The following TMEM132D variants were observed in gnomAD, a reference collection of about 807,000 sequenced individuals.
TMEM132D encodes the protein transmembrane protein 132D.
In TMEM132D, 21 loss-of-function variants were observed where a neutral mutation model predicts 62.3. That is an observed-to-expected ratio of 0.34 (90% CI 0.24 to 0.49). The LOEUF (loss-of-function observed/expected upper bound fraction) is 0.49. Ranked by LOEUF, TMEM132D falls within the 20% of genes least tolerant of loss-of-function variation. The pLI is 0.99. For synonymous variants in TMEM132D, 621 were observed against 575.6 expected, an observed-to-expected ratio of 1.08 and a Z score of -1.13; for missense variants, 1,346 against 1,402.8, an observed-to-expected ratio of 0.96 and a Z score of 0.65.
intron 4 of TMEM132D, among the ~76,000 whole-genome samples, chr12:129,331,693 T>C (rs758095608): frequency 1.3e-5 from 2 of 152,266 alleles, no homozygotes; most frequent in Admixed American, 6.5e-5. Flanking sequence ...AGAGGACTTG[T>C]AACTATGTTT....
intron 4 of TMEM132D, among the ~76,000 whole-genome samples, chr12:129,251,800 G>T (rs1229350809): frequency 2.0e-5 from 3 of 152,280 alleles, no homozygotes; most frequent in Non-Finnish European, 4.4e-5. Context: ...CTTTCAGAGA[G>T]CAAGTGAGTC....
chr12:129,502,109 C>T (rs1024366243), intron 3 of TMEM132D, among the ~76,000 whole-genome samples: 1 of 152,136 alleles, frequency 6.6e-6, no homozygotes, highest in African/African-American at 2.4e-5. Flanking sequence ...ACACCATTCT[C>T]CTGCCTCAGC....
At chr12:129,577,843 T>C (rs1372318187) in intron 2 of TMEM132D, among the ~76,000 whole-genome samples, 18 of 152,090 alleles carry the variant, frequency 1.2e-4, no homozygotes, top group Admixed American at 1.2e-3. Flanking sequence ...GTTAATCGTA[T>C]GTGTCAATTT....
rs553384195 is a variant in TMEM132D at position 129,226,259 on chromosome 12, T to C, written c.1300-16596A>G. Among the ~76,000 whole-genome samples the C allele has an allele frequency of 4.7e-4, 71 of 152,362 alleles. No homozygotes were observed. In the Middle Eastern group the frequency reaches 0.014, roughly 29 times the overall value. ...GAGTTCTTGGCCGCCTTCATTCCTA[T>C]GCAAATTGACATTTGGTTTCTCTCT... is the stretch of plus-strand genomic sequence containing the variant. On this transcript the variant is annotated intron_variant, in intron 4 of 8. Transcript: ENST00000422113.
chr12:129,404,080 G>A (rs1346628201), intron 3 of TMEM132D, among the ~76,000 whole-genome samples: 1 of 152,158 alleles, frequency 6.6e-6, no homozygotes, highest in Non-Finnish European at 1.5e-5. Flanking sequence ...TTTTACTTGA[G>A]TAACACAGGA....
At chr12:129,896,110 C>G (rs1025069467) in intron 1 of TMEM132D, among the ~76,000 whole-genome samples, 2 of 151,634 alleles carry the variant, frequency 1.3e-5, no homozygotes, top group Non-Finnish European at 2.9e-5. Context: ...GCTGGGACAA[C>G]AGGCACACAC....
At chr12:129,727,083 A>T (rs2137249115) in intron 1 of TMEM132D, among the ~76,000 whole-genome samples, 1 of 152,384 alleles carries the variant, frequency 6.6e-6, no homozygotes, top group Admixed American at 6.5e-5. Context: ...ACACCCATGA[A>T]TTAGATGATC....
At chr12:129,548,242 G>A (rs867551013) in intron 2 of TMEM132D, among the ~76,000 whole-genome samples, 16 of 152,078 alleles carry the variant, frequency 1.1e-4, no homozygotes, top group Non-Finnish European at 7.3e-5. Context: ...CAGGGGCAGG[G>A]GAGACACCTC....
At chr12:129,494,962 C>T (rs1385894692) in intron 3 of TMEM132D, among the ~76,000 whole-genome samples, 1 of 152,146 alleles carries the variant, frequency 6.6e-6, no homozygotes, top group Admixed American at 6.5e-5. Context: ...CACATCTCAG[C>T]TGAGCAAATG....
At chr12:129,236,737 G>A (rs937146555) in intron 4 of TMEM132D, among the ~76,000 whole-genome samples, 21 of 151,804 alleles carry the variant, frequency 1.4e-4, no homozygotes, top group African/African-American at 5.1e-4. Context: ...TCACTTCATT[G>A]CTCTAGCTAG....
chr12:129,712,361 T>C (rs1325260993), intron 1 of TMEM132D, among the ~76,000 whole-genome samples: 2 of 152,184 alleles, frequency 1.3e-5, no homozygotes, highest in Admixed American at 6.5e-5. Flanking sequence ...CCTGAGCTCG[T>C]GATCTGCCCG....
At chr12:129,814,329 G>T (rs186326266) in intron 1 of TMEM132D, among the ~76,000 whole-genome samples, 1 of 152,198 alleles carries the variant, frequency 6.6e-6, no homozygotes, top group East Asian at 1.9e-4. Flanking sequence ...AAAAACTAAC[G>T]CCAGGTGCGG....
chr12:129,231,846 G>A (rs539937855), intron 4 of TMEM132D, among the ~76,000 whole-genome samples: 2 of 152,206 alleles, frequency 1.3e-5, no homozygotes, highest in East Asian at 1.9e-4. Context: ...AGGTCCTGGG[G>A]CACCTGAGGT....
intron 1 of TMEM132D, among the ~76,000 whole-genome samples, chr12:129,786,875 A>G (rs1391373783): frequency 6.6e-6 from 1 of 152,144 alleles, no homozygotes; most frequent in Non-Finnish European, 1.5e-5. Flanking sequence ...TGATCAACAG[A>G]GTGAGACCCT....
chr12:129,306,717 A>C (rs1881854187), intron 4 of TMEM132D, among the ~76,000 whole-genome samples: 1 of 152,224 alleles, frequency 6.6e-6, no homozygotes, highest in South Asian at 2.1e-4. Flanking sequence ...CATTCTTGGC[A>C]GAGCATTTTT....
intron 5 of TMEM132D, among the ~76,000 whole-genome samples, chr12:129,169,416 T>C (rs1007714018): frequency 3.3e-5 from 5 of 152,128 alleles, no homozygotes; most frequent in African/African-American, 7.2e-5. Context: ...GAGGACTGAG[T>C]CAAAGGAATT....
chr12:129,314,716 G>C (rs1484446777), intron 4 of TMEM132D, among the ~76,000 whole-genome samples: 1 of 152,166 alleles, frequency 6.6e-6, no homozygotes, highest in East Asian at 1.9e-4. Flanking sequence ...TTGGCAGTGT[G>C]GTCATTTTCA....
chr12:129,832,417 T>G (rs960066618), intron 1 of TMEM132D, among the ~76,000 whole-genome samples: 1 of 152,020 alleles, frequency 6.6e-6, no homozygotes, highest in Non-Finnish European at 1.5e-5. Context: ...ACATGGTATA[T>G]AACATATCGA....
intron 2 of TMEM132D, among the ~76,000 whole-genome samples, chr12:129,586,694 G>A (rs1223246113): frequency 6.6e-6 from 1 of 152,168 alleles, no homozygotes; most frequent in Non-Finnish European, 1.5e-5. Flanking sequence ...TAAGTGACGT[G>A]GAGTTAGAAT....
Sources: gnomAD v4.1 joint callset for allele counts (sites outside exome capture counted in the v4.1 genomes callset) on GRCh38, gnomAD v4.1.1 for gene constraint, MANE v1.5 for transcripts, NCBI Gene and HGNC (gene_info 2026-07-23, HGNC 2026-07-21) for gene names.